FAM110A: variants seen among roughly 807,000 people sequenced by gnomAD.
FAM110A encodes the protein protein FAM110A.
FAM110A carries 1 observed loss-of-function variant against 4.0 expected under a neutral mutation model. That is an observed-to-expected ratio of 0.25 (90% confidence interval 0.09 to 1.20). FAM110A has a LOEUF of 1.20. FAM110A is among the 50% of genes most tolerant of loss of function. FAM110A has a pLI of 0.50. For missense variants in FAM110A, 436 were observed against 429.2 expected (o/e 1.02, Z -0.14); for synonymous variants, 217 against 196.8 (o/e 1.10, Z -0.86).
At chr20:835,560 A>G (rs1256037783) in intron 1 of FAM110A, among the ~76,000 whole-genome samples, 1 of 152,076 alleles carries the variant, frequency 6.6e-6, no homozygotes, top group Non-Finnish European at 1.5e-5. Flanking sequence ...CCATTTTGCA[A>G]CCTCAAGTGC....
At chr20:835,049 T>C (rs1979496582) in intron 1 of FAM110A, among the ~76,000 whole-genome samples, 5 of 151,962 alleles carry the variant, frequency 3.3e-5, no homozygotes, top group Admixed American at 3.3e-4. Flanking sequence ...CAGTGCAAAA[T>C]TTAGGGATGC....
Position 836,904 on chromosome 20 carries a change from C to T in FAM110A, c.-98+2953C>T, listed in dbSNP as rs189515543. 3.3e-5 allele frequency among the ~76,000 whole-genome samples: 5 copies of T among 152,108 alleles called. No individual in the cohort carries two copies. In the East Asian group the frequency reaches 9.6e-4, roughly 29 times the overall value. On this transcript the variant is annotated intron_variant, in intron 1 of 1. Coordinates refer to ENST00000381941, the MANE Select transcript of FAM110A (RefSeq NM_001042353.3). ...TTTGTATTTTTTTTTTGGTAATGGC[C>T]ATCTTCAGGGGTGTGATGTGGTGTC...
In FAM110A at chr20:844,839, C is replaced by A; in HGVS notation, c.35C>A (p.Ser12Tyr). 1.3e-6 allele frequency: 2 copies of A among 1,518,926 alleles called. No individual in the cohort carries two copies. The highest frequency in any genetic ancestry group is 2.8e-5 in the African/African-American group (2 of 72,138). The allele number at this position is 1,518,926 out of a possible 1,614,324, so 94.1% of individuals were successfully genotyped here. A position where few individuals can be genotyped will look rare whatever the true frequency, so the allele number is the denominator to read the frequency against. ...PVHTLSPGAPSAPALPCRLRT... is the reference protein window; with the variant it reads ...PVHTLSPGAPYAPALPCRLRT... The stretch of plus-strand genomic sequence containing the variant: ...CACACGCTGAGCCCCGGAGCCCCGT[C>A]CGCCCCCGCCCTACCTTGCCGCCTG... Residue 12 changes from serine (S) to tyrosine (Y), a missense_variant, in exon 2 of 2, where the codon TCC becomes TAC. Physicochemically the swap from Ser to Tyr is moderately radical, Grantham distance 144. Transcript: ENST00000381941.
intron 1 of FAM110A, among the ~76,000 whole-genome samples, chr20:843,255 G>A (rs979735243): frequency 2.0e-5 from 3 of 152,080 alleles, no homozygotes; most frequent in Non-Finnish European, 4.4e-5. Context: ...GCTTGTGGGA[G>A]GTTATAGGGA....
At chr20:836,103 C>G (rs1979558607) in intron 1 of FAM110A, 2 of 152,174 alleles carry the variant, frequency 1.3e-5, no homozygotes, top group Admixed American at 1.3e-4. Context: ...TCCCTCAACT[C>G]TGTGATATAA....
intron 1 of FAM110A, among the ~76,000 whole-genome samples, chr20:836,554 C>T (rs895124248): frequency 5.9e-5 from 9 of 152,116 alleles, no homozygotes; most frequent in African/African-American, 1.2e-4. Context: ...TTTTTTATGG[C>T]GGAATAATCT....
chr20:844,179 T>TGG (rs1980107610), intron 1 of FAM110A, among the ~76,000 whole-genome samples: 1 of 152,184 alleles, frequency 6.6e-6, no homozygotes, highest in South Asian at 2.1e-4. Flanking sequence ...AGGTGGGGTG[T>TGG]GGGGCTGGAG....
chr20:841,829 G>A (rs1242790281), intron 1 of FAM110A, among the ~76,000 whole-genome samples: 1 of 152,228 alleles, frequency 6.6e-6, no homozygotes, highest in Admixed American at 6.5e-5. Flanking sequence ...GGCGGGAGCC[G>A]CTGCACCTCC....
Position 840,958 on chromosome 20 carries a change from G to T in FAM110A, c.-97-3750G>T, listed in dbSNP as rs1003056925. On this transcript the variant is annotated intron_variant, in intron 1 of 1. Coordinates refer to ENST00000381941, the MANE Select transcript of FAM110A (RefSeq NM_001042353.3). The surrounding 1 kb of genome is among the most constrained non-coding windows in gnomAD (Gnocchi z 4.4). ...CCTGGCACAGTGAACATCACCTGGC[G>T]GTCGTTCTGAGTGTCAGGGAGCGGG... is the stretch of plus-strand genomic sequence containing the variant. Among the ~76,000 whole-genome samples the T allele has an allele frequency of 1.3e-5, 2 of 152,234 alleles. No individual in the cohort carries two copies. Among genetic ancestry groups the T allele is most frequent in the African/African-American group, 4.8e-5 (2 of 41,460 alleles).
At chr20:844,140 G>A (rs1980103456) in intron 1 of FAM110A, among the ~76,000 whole-genome samples, 1 of 152,232 alleles carries the variant, frequency 6.6e-6, no homozygotes, top group East Asian at 1.9e-4. Flanking sequence ...GAGGGGTAGA[G>A]GTGGTACCAG....
At position 845,076 on chromosome 20, in the gene FAM110A, G is replaced by A. The variant is rs765443318; in HGVS notation, c.272G>A (p.Arg91Gln). The A allele has an allele frequency of 4.4e-6, 7 of 1,597,154 alleles. No individual in the cohort carries two copies. The highest frequency in any genetic ancestry group is 1.7e-4 in the Middle Eastern group (1 of 6,050). The change falls in exon 2 of 2, where the codon CGA becomes CAA. Residue 91 changes from arginine to glutamine, a missense_variant. Arg to Gln is a conservative substitution (Grantham distance 43). Transcript: ENST00000381941. ...CGCACAGTGCTCACGCCCAGCCGCC[G>A]AGCCCTGCCTGGCCCCTGCCGACGG... ...TRRTVLTPSR[R>Q]ALPGPCRRPQ... is the part of the protein sequence containing the mutation.
chr20:838,290 CCTCTCTTTCTTTCTT>C (rs1400018752), intron 1 of FAM110A, among the ~76,000 whole-genome samples: 1 of 152,238 alleles, frequency 6.6e-6, no homozygotes, highest in Non-Finnish European at 1.5e-5. Context: ...TTTCTTTCTT[CCTCTCTTTCTTTCTT>C]CTCTCTTTCT....
chr20:843,199 C>T (rs634074), intron 1 of FAM110A, among the ~76,000 whole-genome samples: 13,216 of 152,164 alleles, frequency 0.087, 1,381 homozygotes, highest in African/African-American at 0.25. Flanking sequence ...CCTGGGAAAG[C>T]CACTTCTCTG....
At chr20:836,065 GTACTT>G (rs1273095850) in intron 1 of FAM110A, 6 of 152,180 alleles carry the variant, frequency 3.9e-5, no homozygotes, top group Non-Finnish European at 8.8e-5. Flanking sequence ...TATGTTCTAA[GTACTT>G]TACAAGTATG....
intron 1 of FAM110A, among the ~76,000 whole-genome samples, chr20:835,749 GC>G (rs1255108576): frequency 6.6e-6 from 1 of 152,210 alleles, no homozygotes; most frequent in Non-Finnish European, 1.5e-5. Flanking sequence ...ATAGCTCAGG[GC>G]CTGGTGTGGC....
chr20:833,981 C>T lies in FAM110A; in HGVS notation c.-98+30C>T, dbSNP rs1979449372. The T allele has an allele frequency of 6.6e-6, 1 of 152,392 alleles. No individual in the cohort carries two copies. The highest frequency in any genetic ancestry group is 1.5e-5 in the Non-Finnish European group (1 of 68,198). 9.4% of individuals were successfully genotyped at this position (152,392 alleles called of 1,614,324 possible). On this transcript the variant is annotated intron_variant, in intron 1 of 1. Coordinates refer to ENST00000381941, the MANE Select transcript of FAM110A (RefSeq NM_001042353.3). This position sits in a 1 kb window ranked among gnomAD's most constrained non-coding sequence, Gnocchi z 4.1. Reference sequence around the variant, plus strand: ...GGGCGCGGGTGGGTCCGGGTGCGACCCCGGGTCTGGGGGCCCCGTTCCCCG... The same window carrying T: ...GGGCGCGGGTGGGTCCGGGTGCGACTCCGGGTCTGGGGGCCCCGTTCCCCG...
intron 1 of FAM110A, among the ~76,000 whole-genome samples, chr20:837,046 T>C (rs13044145): frequency 3.4e-5 from 3 of 89,146 alleles, no homozygotes; most frequent in African/African-American, 1.3e-4. Context: ...CTCTGCATTG[T>C]TTTTTTTTTT....
At chr20:839,830 G>C in intron 1 of FAM110A, 2 of 1,603,370 alleles carry the variant, frequency 1.2e-6, no homozygotes, top group South Asian at 2.2e-5. Flanking sequence ...TTGAGAGACT[G>C]CATGGCCTTC....
intron 1 of FAM110A, chr20:841,279 G>A (rs1034499778): frequency 2.0e-5 from 3 of 152,224 alleles, no homozygotes; most frequent in Non-Finnish European, 2.9e-5. Context: ...GGTGGGCCGG[G>A]CCGGAGGAGC....
Sources: gnomAD v4.1 joint callset for allele counts (sites outside exome capture counted in the v4.1 genomes callset) on GRCh38, gnomAD v4.1.1 for gene constraint, Gnocchi (gnomAD v3.1) non-coding constraint, MANE v1.5 for transcripts, NCBI Gene and HGNC (gene_info 2026-07-23, HGNC 2026-07-21) for gene names.